DGAT2L6: variants seen among roughly 807,000 people sequenced by gnomAD.
DGAT2L6 encodes diacylglycerol O-acyltransferase 2 like 6.
In DGAT2L6, 22 loss-of-function variants were observed where a neutral mutation model predicts 25.5. The ratio of observed to expected loss-of-function variants is 0.86; its 90% CI spans 0.62 to 1.23. DGAT2L6 has a LOEUF of 1.23. Ranked by LOEUF, DGAT2L6 falls within the 50% of genes most tolerant of loss-of-function variation. The probability of loss-of-function intolerance (pLI) is 0.00; values close to 1 mark genes in which losing one functional copy is unlikely to be tolerated. For missense variants in DGAT2L6, 287 were observed against 253.2 expected (o/e 1.13, Z -0.91); for synonymous variants, 100 against 94.7 (o/e 1.06, Z -0.32).
chrX:70,190,629 A>G (rs2085372863), intron 1 of DGAT2L6, among the ~76,000 whole-genome samples: 1 of 112,024 alleles, frequency 8.9e-6, no homozygotes, highest in Non-Finnish European at 1.9e-5. Context: ...AGGACTGCCA[A>G]TCTTGGTCCC....
In DGAT2L6 at chrX:70,201,903, G is replaced by A. The variant is rs1240964808; in HGVS notation, c.486G>A (p.Val162=). The change falls in exon 5 of 7, where the codon GTG becomes GTA. Residue 162 remains valine, a synonymous_variant. Transcript: ENST00000333026. ...TTGGTTTCACAGGTGTGTGCCCTGT[G>A]AGTAGCTCAGCCTTGAAGTACTTGC... ...EYVMSMGVCP[V]SSSALKYLLT... The A allele has an allele frequency of 1.7e-6, 2 of 1,192,843 alleles. No individual in the cohort carries two copies. Among genetic ancestry groups the A allele is most frequent in the Admixed American group, 2.3e-5 (1 of 43,169 alleles).
chrX:70,180,896 C>T (rs2085341337), intron 1 of DGAT2L6, among the ~76,000 whole-genome samples: 1 of 112,191 alleles, frequency 8.9e-6, no homozygotes, highest in Non-Finnish European at 1.9e-5. Context: ...CTTTGAAAGG[C>T]TGAGTTATAC....
intron 4 of DGAT2L6, among the ~76,000 whole-genome samples, chrX:70,201,034 C>G (rs1455032611): frequency 1.8e-5 from 2 of 112,265 alleles, no homozygotes; most frequent in African/African-American, 6.5e-5. Flanking sequence ...TCCCCATGCT[C>G]AGCTTCAAGT....
At position 70,177,649 on chromosome X, in the gene DGAT2L6, C is replaced by G; in HGVS notation, c.67C>G (p.Pro23Ala). ...LQTFFVLQWI[P>A]VYIFLGAIPI... ...AACCTTCTTTGTTTTGCAATGGATC[C>G]CAGTCTATATATTTTTAGGTGAGTG... Residue 23 changes from proline to alanine, a missense_variant, in exon 1 of 7, where the codon CCA becomes GCA. By Grantham distance (27) the Pro-to-Ala change is conservative (BLOSUM62 -1). Transcript: ENST00000333026. 1 of 1,208,622 alleles carries G rather than the reference C, an allele frequency of 8.3e-7. No homozygotes were observed. Among genetic ancestry groups the G allele is most frequent in the African/African-American group, 1.7e-5 (1 of 57,562 alleles).
At chrX:70,193,757 TA>T (rs2085382572) in intron 1 of DGAT2L6, among the ~76,000 whole-genome samples, 2 of 111,640 alleles carry the variant, frequency 1.8e-5, no homozygotes, top group Middle Eastern at 4.6e-3. Flanking sequence ...CTCAACATAA[TA>T]AAGGCCATAT....
chrX:70,201,839 C>CCCATCCTCAGG, intron 4 of DGAT2L6, 51 bp from the exon 5 acceptor site: 1 of 1,107,875 alleles, frequency 9.0e-7, no homozygotes, highest in Non-Finnish European at 1.2e-6. Context: ...AACCCCTTAC[C>CCCATCCTCAGG]CCATCCTCAG....
intron 1 of DGAT2L6, among the ~76,000 whole-genome samples, chrX:70,177,944 T>C (rs1292919867): frequency 9.3e-6 from 1 of 107,723 alleles, no homozygotes; most frequent in Non-Finnish European, 1.9e-5. Context: ...CTGGCCAACA[T>C]TGTGAAATCT....
In DGAT2L6 at chrX:70,202,040, T is replaced by A; in HGVS notation, c.623T>A (p.Phe208Tyr). 1 of 1,199,299 alleles carries A rather than the reference T, an allele frequency of 8.3e-7. No individual in the cohort carries two copies. The highest frequency in any genetic ancestry group is 1.7e-5 in the African/African-American group (1 of 57,298). The change falls in exon 5 of 7, where the codon TTT becomes TAT. Residue 208 changes from phenylalanine to tyrosine, a missense_variant. Coordinates refer to ENST00000333026, the MANE Select transcript of DGAT2L6 (RefSeq NM_198512.3). ...CTCTTCCTCAAGCAGCGTAAAGGTT[T>A]TGTGAAGATGGCACTGCAAACAGGG... is the stretch of plus-strand genomic sequence containing the variant. ...STLFLKQRKG[F>Y]VKMALQTGAY...
intron 4 of DGAT2L6, 142 bp downstream of exon 4, chrX:70,200,601 T>C: frequency 3.7e-6 from 2 of 544,492 alleles, no homozygotes; most frequent in Non-Finnish European, 5.8e-6. Context: ...CAGGAGTATG[T>C]GGCTAAGCAT....
chrX:70,201,519 C>T (rs2085410441), intron 4 of DGAT2L6, among the ~76,000 whole-genome samples: 1 of 111,257 alleles, frequency 9.0e-6, no homozygotes. Context: ...GAGGAGAGAA[C>T]TCTGGAGGAT....
chrX:70,204,757 G>C (rs1396869406), intron 6 of DGAT2L6, among the ~76,000 whole-genome samples, 195 bp from the exon 7 acceptor site: 2 of 111,765 alleles, frequency 1.8e-5, no homozygotes, highest in Non-Finnish European at 3.8e-5. Context: ...TCCTGAGCTT[G>C]CTTGCATTCT....
intron 1 of DGAT2L6, among the ~76,000 whole-genome samples, chrX:70,178,838 C>T (rs1480055292): frequency 8.9e-6 from 1 of 112,246 alleles, no homozygotes; most frequent in Non-Finnish European, 1.9e-5. Flanking sequence ...GTTAGGAGTA[C>T]CTGTGAGTGT....
Position 70,201,930 on chromosome X carries a change from G to A in DGAT2L6, c.513G>A (p.Leu171=). The A allele has an allele frequency of 8.3e-7, 1 of 1,205,446 alleles. No homozygotes were observed. Among genetic ancestry groups the A allele is most frequent in the South Asian group, 1.8e-5 (1 of 55,740 alleles). The part of the protein sequence containing the change: ...PVSSSALKYL[L]TQKGSGNAVV... ...GTAGCTCAGCCTTGAAGTACTTGCT[G>A]ACCCAGAAAGGCTCAGGCAATGCCG... is the stretch of plus-strand genomic sequence containing the variant. Residue 171 remains leucine (L), a synonymous_variant, in exon 5 of 7, where the codon CTG becomes CTA. Transcript: ENST00000333026.
chrX:70,177,736 G>C, intron 1 of DGAT2L6, 69 bp downstream of exon 1: 1 of 974,720 alleles, frequency 1.0e-6, no homozygotes, highest in Non-Finnish European at 1.5e-6. Context: ...CTCCAGATGA[G>C]GAGGGTTCCA....
chrX:70,199,599 A>G (rs2085402853), intron 2 of DGAT2L6, among the ~76,000 whole-genome samples: 1 of 111,596 alleles, frequency 9.0e-6, no homozygotes, highest in African/African-American at 3.3e-5. Flanking sequence ...CCAGCTTCAG[A>G]CTATTTTCCT....
At position 70,204,952 on chromosome X, in the gene DGAT2L6, T is replaced by C. The variant is rs779949428; in HGVS notation, c.860T>C (p.Val287Ala). Reference sequence around the variant, plus strand: ...GTTTGTCTCTTTTCTTTTTTCATAGTTGGGGAACCCCTTCCAATTCCCAGG... The same window carrying C: ...GTTTGTCTCTTTTCTTTTTTCATAGCTGGGGAACCCCTTCCAATTCCCAGG... ...LPFNRPITTVVGEPLPIPRIK... is the reference protein window; with the variant it reads ...LPFNRPITTVAGEPLPIPRIK... Residue 287 changes from valine (V) to alanine (A), a missense_variant and splice_region_variant, in exon 7 of 7, where the codon GTT becomes GCT. Val to Ala is a moderately conservative substitution (Grantham distance 64). Transcript: ENST00000333026. 5 of 1,174,347 alleles carry C rather than the reference T, an allele frequency of 4.3e-6. No homozygotes were observed. In the South Asian group the frequency reaches 6.1e-5, roughly 14 times the overall value.
At chrX:70,199,151 G>A in intron 1 of DGAT2L6, 120 bp from the exon 2 acceptor site, 2 of 445,040 alleles carry the variant, frequency 4.5e-6, no homozygotes, top group Non-Finnish European at 7.7e-6. Context: ...GGGAGAAGGA[G>A]AGAAGAGTCC....
At chrX:70,189,234 T>C (rs879063410) in intron 1 of DGAT2L6, among the ~76,000 whole-genome samples, 2 of 111,277 alleles carry the variant, frequency 1.8e-5, no homozygotes, top group Admixed American at 1.9e-4. Context: ...TCCCAAGGAC[T>C]CTACTTTAAA....
At chrX:70,203,363 A>G (rs1197701525) in intron 5 of DGAT2L6, among the ~76,000 whole-genome samples, 1 of 112,282 alleles carries the variant, frequency 8.9e-6, no homozygotes, top group African/African-American at 3.2e-5. Context: ...ATGGAACACT[A>G]CAATGGAAAT....
Sources: gnomAD v4.1 joint callset for allele counts (sites outside exome capture counted in the v4.1 genomes callset) on GRCh38, gnomAD v4.1.1 for gene constraint, MANE v1.5 for transcripts, NCBI Gene and HGNC (gene_info 2026-07-23, HGNC 2026-07-21) for gene names.